AGRN: variants seen among roughly 807,000 people sequenced by gnomAD.
AGRN encodes the protein agrin, also known as agrin proteoglycan.
Under a neutral mutation model 211.0 loss-of-function variants are expected in AGRN, and 106 were observed. That is an observed-to-expected ratio of 0.50 (90% CI 0.43 to 0.59). The LOEUF is 0.59. Among genes scored for constraint, AGRN ranks in the 20% least tolerant of loss-of-function variants. AGRN has a pLI of 0.00. For missense variants in AGRN, 3,040 were observed against 2,982.6 expected (o/e 1.02, Z -0.45); for synonymous variants, 1,525 against 1,332.5 (o/e 1.14, Z -3.15).
intron 35 of AGRN, 40 bp from the exon 36 acceptor site, chr1:1,054,784 C>G (rs1378822974): frequency 6.5e-7 from 1 of 1,541,220 alleles, no homozygotes; most frequent in African/African-American, 1.4e-5. Flanking sequence ...ATCAGCATCA[C>G]TGAGTCACAG....
chr1:1,021,443 G>A (rs1163268715), intron 1 of AGRN, among the ~76,000 whole-genome samples: 1 of 152,230 alleles, frequency 6.6e-6, no homozygotes, highest in Non-Finnish European at 1.5e-5. Context: ...TCCCAGCAGG[G>A]GCTGCGCAGT....
Position 1,043,611 on chromosome 1 carries a change from CG to C in AGRN, c.1678del (p.Val560TrpfsTer172). 1 of 1,604,676 alleles carries C rather than the reference CG, an allele frequency of 6.2e-7. No homozygotes were observed. Among genetic ancestry groups the C allele is most frequent in the Non-Finnish European group, 8.5e-7 (1 of 1,179,748 alleles). ...GGCGCTGCGTGTGCCCCTCTGAATG[CG>C]TGGCTTTGGCCCAGCCCGTGTGTGG... ...TGRCVCPSEC[V>X]ALAQPVCGSD... On this transcript the variant is annotated frameshift_variant, in exon 9 of 36. Transcript: ENST00000379370. LOFTEE classifies it high-confidence loss of function.
At chr1:1,040,605 G>T in intron 3 of AGRN, 60 bp from the exon 4 acceptor site, 1 of 1,535,612 alleles carries the variant, frequency 6.5e-7, no homozygotes, top group Non-Finnish European at 8.8e-7. Flanking sequence ...GGTCTCTCAG[G>T]CTTGTGGACG....
Position 1,031,500 on chromosome 1 carries a change from TG to T in AGRN, c.464-3771del. 6.6e-6 allele frequency among the ~76,000 whole-genome samples: 1 copy of T among 152,078 alleles called. No individual in the cohort carries two copies. The highest frequency in any genetic ancestry group is 1.5e-5 in the Non-Finnish European group (1 of 67,970). ...CTTTCTGAAGGCATCTGGGCCTCTG[TG>T]GGGGGCTCAGACACTGACTGGGGCT... On this transcript the variant is annotated intron_variant, in intron 2 of 35. Transcript: ENST00000379370. This position sits in a 1 kb window ranked among gnomAD's most constrained non-coding sequence, Gnocchi z 4.8.
At position 1,051,594 on chromosome 1, in the gene AGRN, G is replaced by A; in HGVS notation, c.5512G>A (p.Ala1838Thr). The change falls in exon 32 of 36, where the codon GCC becomes ACC. Residue 1838 changes from alanine (A) to threonine (T), a missense_variant. Physicochemically the swap from Ala to Thr is moderately conservative, Grantham distance 58 (BLOSUM62 0). Transcript: ENST00000379370. ...GGCCTCCTGCGTCCCGAGGGAGGCT[G>A]CCTATGTGTGCCTGTGTCCCGGGGG... ...NGASCVPREAAYVCLCPGGFS... is the reference protein window; with the variant it reads ...NGASCVPREATYVCLCPGGFS... 1 of 1,605,990 alleles carries A rather than the reference G, an allele frequency of 6.2e-7. No individual in the cohort carries two copies. The highest frequency in any genetic ancestry group is 8.5e-7 in the Non-Finnish European group (1 of 1,175,502).
rs1230461798 is a variant in AGRN at position 1,032,157 on chromosome 1, C to A, written c.464-3120C>A. Among the ~76,000 whole-genome samples the A allele has an allele frequency of 2.6e-5, 4 of 152,152 alleles. No homozygotes were observed. Among genetic ancestry groups the A allele is most frequent in the Non-Finnish European group, 5.9e-5 (4 of 68,006 alleles). On this transcript the variant is annotated intron_variant, in intron 2 of 35. Transcript: ENST00000379370. The surrounding 1 kb of genome is among the most constrained non-coding windows in gnomAD (Gnocchi z 4.7). Reference sequence around the variant, plus strand: ...GCAGGGGTGGGTCTCCAAGTGCTTCCTTTGACAGCTGCTCTGGATGGGACG... The same window carrying A: ...GCAGGGGTGGGTCTCCAAGTGCTTCATTTGACAGCTGCTCTGGATGGGACG...
intron 1 of AGRN, among the ~76,000 whole-genome samples, chr1:1,020,602 C>G (rs1290421360): frequency 6.6e-6 from 1 of 152,194 alleles, no homozygotes; most frequent in East Asian, 1.9e-4. Flanking sequence ...TCCCTCCTCG[C>G]GGAGACAAGT....
intron 3 of AGRN, among the ~76,000 whole-genome samples, chr1:1,038,283 T>C (rs867061186): frequency 1.6e-4 from 25 of 152,204 alleles, no homozygotes; most frequent in Middle Eastern, 3.4e-3. Context: ...CAGATGGGGA[T>C]GGGGAGCCAG....
intron 3 of AGRN, 98 bp downstream of exon 3, chr1:1,035,422 T>C (rs1644780426): frequency 6.0e-6 from 9 of 1,498,174 alleles, no homozygotes; most frequent in Admixed American, 1.7e-5. Flanking sequence ...GGAGTGTGTC[T>C]GGAGTGAGGA....
At position 1,031,170 on chromosome 1, in the gene AGRN, G is replaced by A. The variant is rs568902388; in HGVS notation, c.464-4107G>A. Among the ~76,000 whole-genome samples the A allele has an allele frequency of 3.4e-5, 5 of 146,562 alleles. No homozygotes were observed. In the East Asian group the frequency reaches 8.2e-4, roughly 24 times the overall value. ...TGGTGCTGTGTGAGATTGTGTGTGT[G>A]CAGTGCATGGTGCTGAGTGTGAGAT... On this transcript the variant is annotated intron_variant, in intron 2 of 35. Coordinates refer to ENST00000379370, the MANE Select transcript of AGRN (RefSeq NM_198576.4). This position sits in a 1 kb window ranked among gnomAD's most constrained non-coding sequence, Gnocchi z 4.8.
At chr1:1,052,876 GGA>G (rs1645347224) in intron 33 of AGRN, 1 of 158,218 alleles carries the variant, frequency 6.3e-6, no homozygotes, top group Non-Finnish European at 1.4e-5. Flanking sequence ...TATATGTGGG[GGA>G]GACAGGTGTG....
intron 33 of AGRN, chr1:1,052,225 A>G (rs1189565926): frequency 1.4e-5 from 6 of 432,758 alleles, no homozygotes; most frequent in East Asian, 1.4e-4. Context: ...CCCCACAGCC[A>G]ACCCCCACCA....
At chr1:1,053,548 G>GC (rs1645369122) in intron 33 of AGRN, 2 of 1,527,268 alleles carry the variant, frequency 1.3e-6, no homozygotes. Context: ...CTGTCCTCCC[G>GC]CCCGTCTCTC....
chr1:1,049,940 C>G lies in AGRN; in HGVS notation c.4782C>G (p.Pro1594=). The G allele has an allele frequency of 6.2e-7, 1 of 1,611,902 alleles. No homozygotes were observed. Among genetic ancestry groups the G allele is most frequent in the Non-Finnish European group, 8.5e-7 (1 of 1,179,694 alleles). ...TCADEKSPCQ[P]NPCHGAAPCR... is the part of the protein sequence containing the mutation. The stretch of plus-strand genomic sequence containing the variant: ...CCGATGAGAAGAGCCCCTGCCAGCC[C>G]AACCCCTGCCATGGGGCGGCGCCCT... Residue 1594 remains proline, a synonymous_variant, in exon 27 of 36, where the codon CCC becomes CCG. Transcript: ENST00000379370.
In AGRN at chr1:1,045,522, A is replaced by C; in HGVS notation, c.2535A>C (p.Thr845=). The C allele has an allele frequency of 6.2e-7, 1 of 1,612,646 alleles. No individual in the cohort carries two copies. Among genetic ancestry groups the C allele is most frequent in the Non-Finnish European group, 8.5e-7 (1 of 1,179,866 alleles). The change falls in exon 14 of 36, where the codon ACA becomes ACC. Residue 845 remains threonine (T), a splice_region_variant and synonymous_variant. Transcript: ENST00000379370. The stretch of plus-strand genomic sequence containing the variant: ...TCACCGATGGCCGGAGTGGCTGTAC[A>C]CGTGAGTGACAGGGCCCAGGACTGG... ...GIVTDGRSGC[T]PCSCDPQGAV...
intron 12 of AGRN, 25 bp from the exon 13 acceptor site, chr1:1,045,136 C>CT: frequency 6.2e-7 from 1 of 1,607,744 alleles, no homozygotes; most frequent in Non-Finnish European, 8.5e-7. Flanking sequence ...TGCATGAAAT[C>CT]TGAGTCCCGT....
chr1:1,054,913 CG>C lies in AGRN; in HGVS notation c.6072del (p.His2025ThrfsTer38). ...VGCLRDVVVGRHPLHLLEDAV... is the reference protein window; with the variant it reads ...VGCLRDVVVGXHPLHLLEDAV... Reference sequence around the variant, plus strand: ...CTGCTTGCGGGACGTGGTGGTGGGCCGGCACCCGCTGCACCTGCTGGAGGAC... The same window carrying C: ...CTGCTTGCGGGACGTGGTGGTGGGCCGCACCCGCTGCACCTGCTGGAGGAC... On this transcript the variant is annotated frameshift_variant, in exon 36 of 36. Coordinates refer to ENST00000379370, the MANE Select transcript of AGRN (RefSeq NM_198576.4). LOFTEE classifies it high-confidence loss of function. 1.3e-6 allele frequency: 2 copies of C among 1,548,748 alleles called. No individual in the cohort carries two copies. Among genetic ancestry groups the C allele is most frequent in the Non-Finnish European group, 8.7e-7 (1 of 1,147,336 alleles).
chr1:1,044,396 G>A lies in AGRN; in HGVS notation c.2211G>A (p.Glu737=). The change falls in exon 12 of 36, where the codon GAG becomes GAA. Residue 737 remains glutamate, a synonymous_variant. Transcript: ENST00000379370. ...GTGAGCTGAAGAAGGCCAGGTGTGA[G>A]TCACAGCGAGGGCTCTACGTAGCGG... is the stretch of plus-strand genomic sequence containing the variant. The part of the protein sequence containing the change: ...TECELKKARC[E]SQRGLYVAAQ... The A allele has an allele frequency of 1.9e-6, 3 of 1,612,524 alleles. No homozygotes were observed. The highest frequency in any genetic ancestry group is 4.5e-5 in the East Asian group (2 of 44,850).
chr1:1,025,022 C>T (rs1215554859), intron 2 of AGRN, among the ~76,000 whole-genome samples: 1 of 152,130 alleles, frequency 6.6e-6, no homozygotes, highest in Non-Finnish European at 1.5e-5. Context: ...CTGCCCATGC[C>T]CTCCCAGCCC....
Sources: gnomAD v4.1 joint callset for allele counts (sites outside exome capture counted in the v4.1 genomes callset) on GRCh38, gnomAD v4.1.1 for gene constraint, Gnocchi (gnomAD v3.1) non-coding constraint, MANE v1.5 for transcripts, NCBI Gene and HGNC (gene_info 2026-07-23, HGNC 2026-07-21) for gene names.